NCOA1: variants seen among roughly 807,000 people sequenced by gnomAD.
The protein encoded by NCOA1 is nuclear receptor coactivator 1.
A neutral mutation model predicts 150.9 loss-of-function variants in NCOA1; 35 were observed. The observed-to-expected ratio is 0.23, with a 90% CI of 0.18 to 0.31. The LOEUF (loss-of-function observed/expected upper bound fraction) is 0.31, where lower values mean the gene tolerates loss of function less well. NCOA1 is among the 10% of genes least tolerant of loss of function. The pLI is 1.00. For missense variants in NCOA1, 1,491 were observed against 1,749.3 expected (o/e 0.85, Z 2.63); for synonymous variants, 590 against 630.0 (o/e 0.94, Z 0.95).
At chr2:24,577,032 G>GT (rs1667018738) in intron 2 of NCOA1, among the ~76,000 whole-genome samples, 1 of 152,052 alleles carries the variant, frequency 6.6e-6, no homozygotes, top group South Asian at 2.1e-4. Context: ...AATTTTATGA[G>GT]TTTTTTCTTT....
chr2:24,569,505 C>A (rs1666646706), intron 2 of NCOA1, among the ~76,000 whole-genome samples: 1 of 147,968 alleles, frequency 6.8e-6, no homozygotes, highest in South Asian at 2.1e-4. Flanking sequence ...CAAAATAATT[C>A]AACCTCTGAG....
intron 7 of NCOA1, among the ~76,000 whole-genome samples, chr2:24,677,685 A>G (rs574633190): frequency 3.9e-5 from 6 of 152,242 alleles, no homozygotes; most frequent in Admixed American, 3.9e-4. Context: ...TGGCCTCCCA[A>G]AGTGCTGGGA....
intron 1 of NCOA1, among the ~76,000 whole-genome samples, chr2:24,522,660 C>T (rs1664464859): frequency 2.0e-5 from 3 of 151,994 alleles, no homozygotes; most frequent in Admixed American, 6.5e-5. Context: ...ATGCAGTAAT[C>T]AAAATGTATG....
intron 1 of NCOA1, among the ~76,000 whole-genome samples, chr2:24,528,717 A>G (rs1406924911): frequency 2.0e-5 from 3 of 152,206 alleles, no homozygotes; most frequent in Non-Finnish European, 4.4e-5. Context: ...AAAAGAATGT[A>G]TAAAACTATT....
chr2:24,652,487 A>C (rs1188185415), intron 4 of NCOA1, among the ~76,000 whole-genome samples: 1 of 152,136 alleles, frequency 6.6e-6, no homozygotes, highest in Non-Finnish European at 1.5e-5. Flanking sequence ...ACTGCCTGCT[A>C]AGCATTTTTA....
chr2:24,583,576 G>A (rs55897231), intron 2 of NCOA1, among the ~76,000 whole-genome samples: 4,408 of 152,174 alleles, frequency 0.029, 74 homozygotes, highest in African/African-American at 0.046. Flanking sequence ...ACAGTATGTC[G>A]AAGAGATATC....
intron 3 of NCOA1, among the ~76,000 whole-genome samples, chr2:24,607,889 G>C (rs1348959635): frequency 1.3e-5 from 2 of 152,030 alleles, no homozygotes; most frequent in African/African-American, 4.8e-5. Context: ...TATTATGGTT[G>C]AATTCGTTTT....
At chr2:24,615,684 A>G (rs1034225922) in intron 3 of NCOA1, among the ~76,000 whole-genome samples, 4 of 152,230 alleles carry the variant, frequency 2.6e-5, no homozygotes, top group African/African-American at 9.6e-5. Flanking sequence ...ACTGCTTTCA[A>G]GAAGCTTGCA....
intron 22 of NCOA1, among the ~76,000 whole-genome samples, chr2:24,764,873 A>G (rs148764436): frequency 6.6e-6 from 1 of 152,338 alleles, no homozygotes; most frequent in East Asian, 1.9e-4. Context: ...GCATTAGGAA[A>G]TAGGACCTGA....
At chr2:24,675,613 G>A (rs1482043807) in intron 7 of NCOA1, among the ~76,000 whole-genome samples, 1 of 152,152 alleles carries the variant, frequency 6.6e-6, no homozygotes, top group African/African-American at 2.4e-5. Context: ...GTCCGGGCGC[G>A]GTGCATCACG....
chr2:24,685,103 T>C (rs1473217296), intron 8 of NCOA1, among the ~76,000 whole-genome samples: 4 of 152,008 alleles, frequency 2.6e-5, no homozygotes, highest in African/African-American at 9.7e-5. Context: ...TATTTATATA[T>C]ATATATTCAC....
intron 7 of NCOA1, among the ~76,000 whole-genome samples, chr2:24,675,857 C>T (rs2148525147): frequency 6.6e-6 from 1 of 152,196 alleles, no homozygotes; most frequent in Non-Finnish European, 1.5e-5. Flanking sequence ...TGCACTCCAG[C>T]CTGCGCAACA....
intron 1 of NCOA1, among the ~76,000 whole-genome samples, chr2:24,528,617 G>A (rs1367965643): frequency 2.0e-5 from 3 of 151,768 alleles, no homozygotes; most frequent in Admixed American, 6.6e-5. Context: ...CAAAGTGCTG[G>A]GATTACAGGC....
At chr2:24,577,506 T>C (rs1323634576) in intron 2 of NCOA1, among the ~76,000 whole-genome samples, 1 of 152,232 alleles carries the variant, frequency 6.6e-6, no homozygotes, top group Non-Finnish European at 1.5e-5. Context: ...TACCTGTGCT[T>C]GCTTTCTTGG....
intron 3 of NCOA1, among the ~76,000 whole-genome samples, chr2:24,596,641 T>G (rs1449471038): frequency 1.3e-5 from 2 of 152,174 alleles, no homozygotes; most frequent in Non-Finnish European, 2.9e-5. Flanking sequence ...ATTTTTATAT[T>G]TAGTAATATA....
intron 1 of NCOA1, among the ~76,000 whole-genome samples, chr2:24,511,370 G>C (rs1663928288): frequency 6.6e-6 from 1 of 152,190 alleles, no homozygotes; most frequent in African/African-American, 2.4e-5. Flanking sequence ...TTACAAAGTG[G>C]CTGCACCATT....
intron 2 of NCOA1, among the ~76,000 whole-genome samples, chr2:24,568,772 A>C (rs149141149): frequency 0.012 from 1,842 of 152,330 alleles, 19 homozygotes; most frequent in Non-Finnish European, 0.017. Flanking sequence ...ATTCTTTATC[A>C]AAGACATACC....
intron 14 of NCOA1, among the ~76,000 whole-genome samples, chr2:24,720,607 A>G (rs998210717): frequency 1.3e-5 from 2 of 152,212 alleles, no homozygotes; most frequent in Non-Finnish European, 2.9e-5. Flanking sequence ...CCAGTCTACA[A>G]TGTGTAGATA....
At chr2:24,626,999 G>C (rs1339387932) in intron 3 of NCOA1, among the ~76,000 whole-genome samples, 1 of 151,754 alleles carries the variant, frequency 6.6e-6, no homozygotes, top group East Asian at 1.9e-4. Flanking sequence ...ATGACTGCCT[G>C]TTAGAAAGAG....
Sources: gnomAD v4.1 joint callset for allele counts (sites outside exome capture counted in the v4.1 genomes callset) on GRCh38, gnomAD v4.1.1 for gene constraint, MANE v1.5 for transcripts, NCBI Gene and HGNC (gene_info 2026-07-23, HGNC 2026-07-21) for gene names.